Variants in ELP3 observed in about 807,000 individuals in gnomAD.
ELP3 encodes elongator acetyltransferase complex subunit 3, also known as elongator complex protein 3.
Under a neutral mutation model 74.9 loss-of-function variants are expected in ELP3, and 56 were observed. The observed-to-expected ratio is 0.75, with a 90% CI of 0.60 to 0.93. ELP3 has a LOEUF of 0.93. Ranked by LOEUF, ELP3 falls within the 40% of genes least tolerant of loss-of-function variation. The probability of loss-of-function intolerance (pLI) is 0.00; values close to 1 mark genes in which losing one functional copy is unlikely to be tolerated. For synonymous variants in ELP3, 222 were observed against 239.8 expected (o/e 0.93, Z 0.68); for missense variants, 573 against 686.5 (o/e 0.83, Z 1.85).
chr8:28,141,137 C>G (rs1213621459), intron 10 of ELP3, among the ~76,000 whole-genome samples: 2 of 152,180 alleles, frequency 1.3e-5, no homozygotes, highest in African/African-American at 2.4e-5. Flanking sequence ...GTATCTCCCC[C>G]ACCATACTTA....
chr8:28,093,782 G>A (rs1228480613), intron 1 of ELP3: 1 of 156,366 alleles, frequency 6.4e-6, no homozygotes, highest in Admixed American at 6.1e-5. Flanking sequence ...TCCTATTTCT[G>A]TATCTCACAG....
chr8:28,108,285 C>T (rs2130382087), intron 5 of ELP3, among the ~76,000 whole-genome samples: 1 of 152,146 alleles, frequency 6.6e-6, no homozygotes. Flanking sequence ...TCCCAGTTTG[C>T]CAATCAGGAA....
chr8:28,158,962 T>A (rs1345226332), intron 12 of ELP3, among the ~76,000 whole-genome samples: 1 of 152,176 alleles, frequency 6.6e-6, no homozygotes, highest in African/African-American at 2.4e-5. Context: ...CTTGTACAAA[T>A]GAGGAACTAA....
chr8:28,161,434 C>G (rs1035980116), intron 13 of ELP3, among the ~76,000 whole-genome samples: 1 of 151,776 alleles, frequency 6.6e-6, no homozygotes, highest in Non-Finnish European at 1.5e-5. Context: ...ATTAGCTGGG[C>G]GTGGCGGCAC....
chr8:28,122,158 A>T (rs547270998), intron 7 of ELP3, among the ~76,000 whole-genome samples: 1 of 152,158 alleles, frequency 6.6e-6, no homozygotes, highest in Non-Finnish European at 1.5e-5. Context: ...ACCCTATTAT[A>T]TCATCATCTT....
At chr8:28,118,701 T>C (rs1283636164) in intron 7 of ELP3, among the ~76,000 whole-genome samples, 1 of 152,168 alleles carries the variant, frequency 6.6e-6, no homozygotes, top group African/African-American at 2.4e-5. Context: ...CCTTTTAAAA[T>C]AGTTTTATTC....
chr8:28,125,488 G>T (rs1189023310), intron 7 of ELP3, among the ~76,000 whole-genome samples: 1 of 152,154 alleles, frequency 6.6e-6, no homozygotes, highest in Non-Finnish European at 1.5e-5. Flanking sequence ...GTAATGAGAG[G>T]TGCCCACCTC....
intron 6 of ELP3, chr8:28,112,565 CCATTA>C (rs1383050363): frequency 6.6e-5 from 10 of 152,254 alleles, no homozygotes; most frequent in African/African-American, 2.2e-4. Context: ...TTTTTTTCTT[CCATTA>C]CATCAAATCC....
intron 10 of ELP3, among the ~76,000 whole-genome samples, chr8:28,139,153 G>A (rs1813118430): frequency 6.6e-6 from 1 of 152,130 alleles, no homozygotes; most frequent in Admixed American, 6.5e-5. Flanking sequence ...TCCCACCAAG[G>A]GCAGATCTGG....
chr8:28,124,190 A>G (rs1442847308), intron 7 of ELP3, among the ~76,000 whole-genome samples: 1 of 152,216 alleles, frequency 6.6e-6, no homozygotes, highest in East Asian at 1.9e-4. Context: ...CTTAAGAGAA[A>G]GGTAGAGGAC....
chr8:28,105,992 G>A (rs1417663710), intron 3 of ELP3, among the ~76,000 whole-genome samples: 1 of 152,192 alleles, frequency 6.6e-6, no homozygotes. Flanking sequence ...TTCATGAGGC[G>A]TTTGAGTCAC....
At chr8:28,185,350 C>A (rs986159785) in intron 14 of ELP3, among the ~76,000 whole-genome samples, 3 of 151,722 alleles carry the variant, frequency 2.0e-5, no homozygotes, top group African/African-American at 7.3e-5. Flanking sequence ...ATTTTTTTTT[C>A]AAATACATCC....
At chr8:28,141,026 T>C (rs1563269839) in intron 10 of ELP3, among the ~76,000 whole-genome samples, 1 of 152,224 alleles carries the variant, frequency 6.6e-6, no homozygotes, top group Non-Finnish European at 1.5e-5. Flanking sequence ...AATTACTCAG[T>C]ATACAGTGTA....
chr8:28,141,515 T>C (rs1217386040), intron 10 of ELP3, among the ~76,000 whole-genome samples: 2 of 152,188 alleles, frequency 1.3e-5, no homozygotes, highest in East Asian at 3.8e-4. Flanking sequence ...GAAACTCAAA[T>C]GGGGTCTAGG....
rs1444510184 is a variant in ELP3 at position 28,138,936 on chromosome 8, G to A, written c.1100+1045G>A. Among the ~76,000 whole-genome samples the A allele has an allele frequency of 3.9e-5, 6 of 152,166 alleles. No individual in the cohort carries two copies. In the East Asian group the frequency reaches 9.6e-4, roughly 24 times the overall value. On this transcript the variant is annotated intron_variant, in intron 10 of 14. Coordinates refer to ENST00000256398, the MANE Select transcript of ELP3 (RefSeq NM_018091.6). ...GAAAAATCAACTGTTGAAATTGCTT[G>A]TGTGGCCCTTCCCCTTGTTGTTCAA...
At chr8:28,161,908 C>A in intron 13 of ELP3, 89 bp from the exon 14 acceptor site, 1 of 1,311,152 alleles carries the variant, frequency 7.6e-7, no homozygotes, top group Non-Finnish European at 1.1e-6. Context: ...TTAGCAACTA[C>A]TAAAGTATAT....
intron 9 of ELP3, 29 bp downstream of exon 9, chr8:28,132,433 A>G: frequency 1.2e-6 from 2 of 1,613,738 alleles, no homozygotes; most frequent in Non-Finnish European, 1.7e-6. Context: ...AGGCGCATTC[A>G]GAATGGCTCT....
chr8:28,133,241 G>C (rs1289638030), intron 9 of ELP3, among the ~76,000 whole-genome samples: 1 of 151,774 alleles, frequency 6.6e-6, no homozygotes, highest in Non-Finnish European at 1.5e-5. Context: ...TCATCTTTTT[G>C]GAATTGTGTG....
chr8:28,121,734 A>G (rs1474927519), intron 7 of ELP3, among the ~76,000 whole-genome samples: 1 of 152,210 alleles, frequency 6.6e-6, no homozygotes, highest in Non-Finnish European at 1.5e-5. Context: ...TCTAAAAGCT[A>G]TTTTTGTAAA....
Sources: allele counts gnomAD v4.1 joint callset (sites outside exome capture counted in the v4.1 genomes callset), GRCh38; gene constraint gnomAD v4.1.1; transcripts MANE v1.5; gene names NCBI Gene and HGNC (gene_info 2026-07-23, HGNC 2026-07-21).